Variants in LPO observed in about 807,000 individuals in gnomAD.
The protein encoded by LPO is lactoperoxidase, also known as salivary peroxidase.
Under a neutral mutation model 68.4 loss-of-function variants are expected in LPO, and 70 were observed. The ratio of observed to expected loss-of-function variants is 1.02; its 90% confidence interval spans 0.84 to 1.25. LPO has a LOEUF of 1.25. LPO is among the 50% of genes most tolerant of loss of function. The pLI is 0.00. For synonymous variants in LPO, 360 were observed against 357.6 expected, an observed-to-expected ratio of 1.01 and a Z score of -0.08; for missense variants, 873 against 908.4, an observed-to-expected ratio of 0.96 and a Z score of 0.50.
chr17:58,239,164 T>C (rs1034246760), intron 1 of LPO, among the ~76,000 whole-genome samples: 3 of 151,502 alleles, frequency 2.0e-5, no homozygotes, highest in Non-Finnish European at 4.4e-5. Flanking sequence ...TCCACTATAG[T>C]GGAGATTTTG....
rs1969937523 is a variant in LPO at position 58,250,474 on chromosome 17, A to G, written c.633A>G (p.Gln211=). 1 of 1,614,148 alleles carries G rather than the reference A, an allele frequency of 6.2e-7. No homozygotes were observed. Residue 211 remains glutamine (Q), a synonymous_variant, in exon 7 of 13, where the codon CAA becomes CAG. Transcript: ENST00000262290. ...TGAATGAGGAGGGTGTTCTGGACCA[A>G]AACAGGTCCCTGCTCTTCATGCAGT... ...GYLNEEGVLD[Q]NRSLLFMQWG... is the part of the protein sequence containing the mutation.
Position 58,267,810 on chromosome 17 carries a change from T to A in LPO, c.1955T>A (p.Val652Asp). Residue 652 changes from valine to aspartate, a missense_variant, in exon 13 of 13, where the codon GTC (valine) becomes GAC (aspartate). By Grantham distance (152) the Val-to-Asp change is radical. Coordinates refer to ENST00000262290, the MANE Select transcript of LPO (RefSeq NM_006151.3). The part of the protein sequence containing the change: ...GDRFWWENPG[V>D]FTNEQKDSLQ... Reference sequence around the variant, plus strand: ...AGGTTCTGGTGGGAAAACCCTGGGGTCTTCACGAACGAGCAGAAGGACTCT... The same window carrying A: ...AGGTTCTGGTGGGAAAACCCTGGGGACTTCACGAACGAGCAGAAGGACTCT... 6.2e-7 allele frequency: 1 copy of A among 1,613,922 alleles called. No homozygotes were observed. Among genetic ancestry groups the A allele is most frequent in the Non-Finnish European group, 8.5e-7 (1 of 1,179,990 alleles).
intron 8 of LPO, among the ~76,000 whole-genome samples, chr17:58,254,009 G>A (rs1970012853): frequency 6.6e-6 from 1 of 152,148 alleles, no homozygotes; most frequent in Admixed American, 6.5e-5. Context: ...CTACTCTGGA[G>A]GCTGAAACAG....
chr17:58,262,532 G>A (rs780960487), intron 9 of LPO, among the ~76,000 whole-genome samples: 1 of 152,120 alleles, frequency 6.6e-6, no homozygotes, highest in African/African-American at 2.4e-5. Flanking sequence ...TGGGATTACC[G>A]ATGCTCACCA....
At chr17:58,252,906 C>T (rs1969988640) in intron 8 of LPO, among the ~76,000 whole-genome samples, 1 of 151,158 alleles carries the variant, frequency 6.6e-6, no homozygotes, top group South Asian at 2.1e-4. Context: ...CCCTGTAGTC[C>T]CAGCTACTCT....
At chr17:58,238,934 AC>A (rs1390463707) in intron 1 of LPO, among the ~76,000 whole-genome samples, 195 bp downstream of exon 1, 1 of 151,946 alleles carries the variant, frequency 6.6e-6, no homozygotes, top group Non-Finnish European at 1.5e-5. Context: ...TCCCCCCACC[AC>A]TGTGGGGGAA....
At chr17:58,254,724 C>T in intron 8 of LPO, 87 bp from the exon 9 acceptor site, 2 of 1,424,430 alleles carry the variant, frequency 1.4e-6, no homozygotes. Flanking sequence ...GGGCGCGGTC[C>T]TGTGGGGCAC....
chr17:58,259,426 TGTC>T, intron 9 of LPO, among the ~76,000 whole-genome samples: 2 of 152,270 alleles, frequency 1.3e-5, no homozygotes, highest in Non-Finnish European at 2.9e-5. Flanking sequence ...ATTTCTGGGT[TGTC>T]TATTCTCTTC....
intron 3 of LPO, among the ~76,000 whole-genome samples, chr17:58,245,922 G>A (rs1345037080): frequency 6.6e-6 from 1 of 152,232 alleles, no homozygotes; most frequent in Non-Finnish European, 1.5e-5. Context: ...GCTTTGAAAT[G>A]TGGAGGAGCC....
rs781354019 is a variant in LPO, at chr17:58,254,704, G to T, written c.1106-107G>T. ...GGGAAGTAGGGCTTGTTGACGGGGC[G>T]GGGGGGGCGGGGCGCGGTCCTGTGG... On this transcript the variant is annotated intron_variant, in intron 8 of 12. Transcript: ENST00000262290. The T allele has an allele frequency of 5.8e-6, 6 of 1,034,804 alleles. No individual in the cohort carries two copies. The East Asian group carries it at 1.1e-4, about 18-fold the overall frequency. The allele number at this position is 1,034,804 out of a possible 1,614,324, so 64.1% of individuals were successfully genotyped here. A position where few individuals can be genotyped will look rare whatever the true frequency, so the allele number is the denominator to read the frequency against.
chr17:58,249,723 G>A, intron 6 of LPO, 28 bp downstream of exon 6: 13 of 1,542,034 alleles, frequency 8.4e-6, no homozygotes, highest in Non-Finnish European at 1.1e-5. Context: ...CGGGGTGAAG[G>A]ATGGGAGCCA....
At chr17:58,266,017 C>T in intron 10 of LPO, 136 bp from the exon 11 acceptor site, 1 of 791,198 alleles carries the variant, frequency 1.3e-6, no homozygotes, top group Non-Finnish European at 2.0e-6. Context: ...CTCTTCTCTC[C>T]CTCCTTCCAG....
At chr17:58,240,379 T>A (rs1012769805) in intron 1 of LPO, among the ~76,000 whole-genome samples, 4 of 152,088 alleles carry the variant, frequency 2.6e-5, no homozygotes, top group African/African-American at 9.7e-5. Context: ...AGCATGTTGA[T>A]AAGAATATGG....
intron 12 of LPO, 67 bp from the exon 13 acceptor site, chr17:58,267,701 TCCCTGTGACCCTTTCCTTC>T (rs1384630314): frequency 4.7e-6 from 7 of 1,473,720 alleles, no homozygotes; most frequent in Non-Finnish European, 6.6e-6. Context: ...CTTTTCATGG[TCCCTGTGACCCTTTCCTTC>T]CCCTGTGACA....
intron 7 of LPO, chr17:58,251,084 G>T: frequency 6.0e-6 from 1 of 167,918 alleles, no homozygotes; most frequent in Non-Finnish European, 1.3e-5. Flanking sequence ...TTTGAGACCA[G>T]CCTGGCCAAC....
chr17:58,253,022 CAAAAAAAAAAA>C (rs765890765), intron 8 of LPO, among the ~76,000 whole-genome samples: 155 of 31,106 alleles, frequency 5.0e-3, no homozygotes, highest in Non-Finnish European at 7.5e-3. Flanking sequence ...GACTCCATCT[CAAAAAAAAAAA>C]AAAAAAAAAA....
chr17:58,256,123 T>C (rs1970065341), intron 9 of LPO, among the ~76,000 whole-genome samples: 1 of 152,228 alleles, frequency 6.6e-6, no homozygotes, highest in African/African-American at 2.4e-5. Flanking sequence ...ATGGGCTTTT[T>C]TCATTAAGCA....
At chr17:58,265,703 T>A (rs1319812591) in intron 10 of LPO, among the ~76,000 whole-genome samples, 2 of 141,668 alleles carry the variant, frequency 1.4e-5, no homozygotes, top group Non-Finnish European at 3.0e-5. Flanking sequence ...TACCTCAGCC[T>A]CCCTTGTAGC....
chr17:58,249,422 G>A (rs538931615), intron 5 of LPO, 144 bp from the exon 6 acceptor site: 12 of 1,275,628 alleles, frequency 9.4e-6, no homozygotes, highest in African/African-American at 1.5e-5. Flanking sequence ...GGGGGTGGGC[G>A]CAGTTCAGAG....
Sources: allele counts gnomAD v4.1 joint callset (sites outside exome capture counted in the v4.1 genomes callset), GRCh38; gene constraint gnomAD v4.1.1; transcripts MANE v1.5; gene names NCBI Gene and HGNC (gene_info 2026-07-23, HGNC 2026-07-21).